The following STK17A variants were observed in gnomAD, a reference collection of about 807,000 sequenced individuals.
STK17A encodes serine/threonine-protein kinase 17A.
STK17A carries 26 observed loss-of-function variants against 43.7 expected under a neutral mutation model. That is an observed-to-expected ratio of 0.60 (90% CI 0.44 to 0.83). The LOEUF (loss-of-function observed/expected upper bound fraction) is 0.83, where lower values mean the gene tolerates loss of function less well. Among genes scored for constraint, STK17A ranks in the 40% least tolerant of loss-of-function variants. The probability of loss-of-function intolerance (pLI) is 0.00; values close to 1 mark genes in which losing one functional copy is unlikely to be tolerated. For synonymous variants in STK17A, 191 were observed against 182.5 expected (o/e 1.05, Z -0.38); for missense variants, 476 against 511.6 (o/e 0.93, Z 0.67).
At position 43,584,174 on chromosome 7, in the gene STK17A, G is replaced by C. The variant is rs374842053; in HGVS notation, c.206+725G>C. ...TACAACTTGGTCTGTAAAGTTGCAGGTGCAGGCTGTTCGGATGCTTTACAT... is the reference window on the plus strand; with the variant it reads ...TACAACTTGGTCTGTAAAGTTGCAGCTGCAGGCTGTTCGGATGCTTTACAT... On this transcript the variant is annotated intron_variant, in intron 1 of 6. Transcript: ENST00000319357. Among the ~76,000 whole-genome samples, 82 of 152,266 alleles carry C rather than the reference G, an allele frequency of 5.4e-4. 1 individual carries two copies. The South Asian group carries it at 6.6e-3, about 12-fold the overall frequency.
rs1021128612 is a variant in STK17A at position 43,624,833 on chromosome 7, T to C, written c.1236T>C (p.Phe412=). Residue 412 remains phenylalanine (F), a synonymous_variant, in exon 7 of 7, where the codon TTT becomes TTC. Coordinates refer to ENST00000319357, the MANE Select transcript of STK17A (RefSeq NM_004760.3). ...TGCTACAAGAAATTCCAGGAGAATT[T>C]ATCTACTGAGCAATATTTCCCTTTA... ...EPLLQEIPGE[F]IY is the part of the protein sequence containing the mutation. The C allele has an allele frequency of 2.5e-6, 4 of 1,599,990 alleles. No individual in the cohort carries two copies. The highest frequency in any genetic ancestry group is 3.4e-6 in the Non-Finnish European group (4 of 1,173,052).
chr7:43,613,140 G>A lies in STK17A; in HGVS notation c.564+4740G>A, dbSNP rs190266774. Among the ~76,000 whole-genome samples the A allele has an allele frequency of 2.4e-4, 37 of 152,222 alleles. 1 individual carries two copies. Among genetic ancestry groups the A allele is most frequent in the Admixed American group, 5.2e-4 (8 of 15,296 alleles). On this transcript the variant is annotated intron_variant, in intron 3 of 6. Transcript: ENST00000319357. ...ATCTATTGCTCTTTTTTCTTCAAAT[G>A]GTGTTGTACTGGTTCAGTCTTTCAG... is the stretch of plus-strand genomic sequence containing the variant.
chr7:43,620,857 T>A (rs1173020144), intron 4 of STK17A, among the ~76,000 whole-genome samples: 1 of 152,034 alleles, frequency 6.6e-6, no homozygotes, highest in Non-Finnish European at 1.5e-5. Context: ...CCAGCAGACC[T>A]GGGAGAAGAG....
At position 43,619,717 on chromosome 7, in the gene STK17A, T is replaced by C. The variant is rs2083682855; in HGVS notation, c.685T>C (p.Tyr229His). 1 of 1,613,698 alleles carries C rather than the reference T, an allele frequency of 6.2e-7. No homozygotes were observed. The highest frequency in any genetic ancestry group is 8.5e-7 in the Non-Finnish European group (1 of 1,179,856). ...ELREIMGTPE[Y>H]VAPEILSYDP... ...CCGAGAAATTATGGGTACCCCTGAA[T>C]ATGTGGGTAAGTATTCATAAAAGTA... Residue 229 changes from tyrosine (Y) to histidine (H), a missense_variant, in exon 4 of 7, where the codon TAT becomes CAT. By Grantham distance (83) the Tyr-to-His change is moderately conservative. Coordinates refer to ENST00000319357, the MANE Select transcript of STK17A (RefSeq NM_004760.3).
Position 43,583,251 on chromosome 7 carries a change from C to G in STK17A, c.8C>G (p.Pro3Arg), listed in dbSNP as rs781708885. 3.1e-5 allele frequency: 48 copies of G among 1,549,472 alleles called. No homozygotes were observed. The highest frequency in any genetic ancestry group is 1.9e-5 in the Admixed American group (1 of 51,740). ...GAAGCGGGCCTGAACACCATGATCC[C>G]TTTGGAGAAGCCAGGCAGCGGCGGC... MIPLEKPGSGGSS... is the reference protein window; with the variant it reads MIRLEKPGSGGSS... The change falls in exon 1 of 7, where the codon CCT becomes CGT. Residue 3 changes from proline (P) to arginine (R), a missense_variant. This residue lies in a region of STK17A where 320 missense variants were observed against 326.3 expected (regional missense o/e 0.98). Coordinates refer to ENST00000319357, the MANE Select transcript of STK17A (RefSeq NM_004760.3).
At position 43,627,282 on chromosome 7, in the gene STK17A, G is replaced by A. The variant is rs1469888360; in HGVS notation, c.*2440G>A. Among the ~76,000 whole-genome samples, 1 of 152,230 alleles carries A rather than the reference G, an allele frequency of 6.6e-6. No individual in the cohort carries two copies. Among genetic ancestry groups the A allele is most frequent in the East Asian group, 1.9e-4 (1 of 5,188 alleles). ...GTAATTAATACCTTTCTCTAGTAGT[G>A]GTATAGAGGAAGGACAGATGCTCAT... On this transcript the variant is annotated 3_prime_UTR_variant, in exon 7 of 7. Transcript: ENST00000319357.
chr7:43,615,396 C>T (rs542224207), intron 3 of STK17A, among the ~76,000 whole-genome samples: 1 of 152,066 alleles, frequency 6.6e-6, no homozygotes, highest in African/African-American at 2.4e-5. Context: ...AGGCTGGTCT[C>T]GAACTCCTAA....
At chr7:43,613,582 C>T (rs2083072854) in intron 3 of STK17A, among the ~76,000 whole-genome samples, 1 of 152,126 alleles carries the variant, frequency 6.6e-6, no homozygotes, top group South Asian at 2.1e-4. Context: ...GTGGCTCACA[C>T]CTGTAATCCC....
intron 1 of STK17A, among the ~76,000 whole-genome samples, chr7:43,594,905 A>C (rs558874715): frequency 2.0e-5 from 3 of 151,508 alleles, no homozygotes; most frequent in Non-Finnish European, 4.4e-5. Context: ...GAAAGAAAAG[A>C]AAAGAAAAAT....
intron 1 of STK17A, among the ~76,000 whole-genome samples, chr7:43,587,154 G>GTTTTTTTTTTTTTTTTTTT (rs71011929): frequency 1.8e-5 from 2 of 112,096 alleles, no homozygotes; most frequent in Non-Finnish European, 3.6e-5. Flanking sequence ...ATTGTTTTTT[G>GTTTTTTTTTTTTTTTTTTT]TTTTTTTTTT....
intron 2 of STK17A, among the ~76,000 whole-genome samples, chr7:43,604,654 C>G (rs2082576769): frequency 6.6e-6 from 1 of 151,970 alleles, no homozygotes; most frequent in Admixed American, 6.6e-5. Context: ...AGTATAGTGC[C>G]TTGGTTTTAT....
At chr7:43,584,974 A>G (rs1439426103) in intron 1 of STK17A, among the ~76,000 whole-genome samples, 1 of 152,178 alleles carries the variant, frequency 6.6e-6, no homozygotes, top group East Asian at 1.9e-4. Context: ...AGGCGGGTGG[A>G]TCACCTGAGG....
chr7:43,593,825 T>G (rs2082497056), intron 1 of STK17A, among the ~76,000 whole-genome samples: 1 of 152,174 alleles, frequency 6.6e-6, no homozygotes, highest in Non-Finnish European at 1.5e-5. Flanking sequence ...TGTCTGTTTA[T>G]GCTGTTGATT....
intron 4 of STK17A, among the ~76,000 whole-genome samples, chr7:43,620,018 G>A (rs1270994078): frequency 2.0e-5 from 3 of 152,172 alleles, no homozygotes; most frequent in African/African-American, 7.2e-5. Flanking sequence ...CTTATCTGAG[G>A]GTGGGAGGAT....
At chr7:43,596,568 A>G (rs1563144859) in intron 2 of STK17A, among the ~76,000 whole-genome samples, 1 of 152,144 alleles carries the variant, frequency 6.6e-6, no homozygotes, top group Non-Finnish European at 1.5e-5. Flanking sequence ...CTTTCTCCTT[A>G]AGAAATCCTG....
intron 1 of STK17A, among the ~76,000 whole-genome samples, chr7:43,595,099 A>G (rs531041032): frequency 4.6e-5 from 7 of 152,166 alleles, no homozygotes; most frequent in African/African-American, 1.7e-4. Context: ...ACTTTGTTGT[A>G]TCTGTCTTTA....
chr7:43,606,349 A>G (rs1193985249), intron 2 of STK17A, among the ~76,000 whole-genome samples: 2 of 152,214 alleles, frequency 1.3e-5, no homozygotes, highest in African/African-American at 2.4e-5. Context: ...GCGGGAAGCT[A>G]TGATACAGCC....
intron 1 of STK17A, among the ~76,000 whole-genome samples, chr7:43,592,265 T>C (rs1202831080): frequency 6.6e-6 from 1 of 151,642 alleles, no homozygotes. Context: ...TATTAATTAC[T>C]CTTTGAGGAA....
At chr7:43,597,011 T>C (rs2082520464) in intron 2 of STK17A, among the ~76,000 whole-genome samples, 1 of 151,812 alleles carries the variant, frequency 6.6e-6, no homozygotes. Context: ...TAAAAAATAA[T>C]TAATTTAAAA....
Sources: gnomAD v4.1 joint callset for allele counts (sites outside exome capture counted in the v4.1 genomes callset) on GRCh38, gnomAD v4.1.1 for gene constraint, gnomAD v4.1.1 regional missense constraint, MANE v1.5 for transcripts, NCBI Gene and HGNC (gene_info 2026-07-23, HGNC 2026-07-21) for gene names.